METTL24: variants seen among roughly 807,000 people sequenced by gnomAD.
METTL24 encodes methyltransferase like 24.
In METTL24, 29 loss-of-function variants were observed where a neutral mutation model predicts 32.7. The ratio of observed to expected loss-of-function variants is 0.89; its 90% CI spans 0.66 to 1.21. METTL24 has a LOEUF of 1.21. METTL24 is among the 50% of genes most tolerant of loss of function. METTL24 has a pLI of 0.00. For missense variants in METTL24, 439 were observed against 468.1 expected, an observed-to-expected ratio of 0.94 and a Z score of 0.57; for synonymous variants, 163 against 179.5, an observed-to-expected ratio of 0.91 and a Z score of 0.73.
chr6:110,318,549 G>A (rs1234071018), intron 2 of METTL24, among the ~76,000 whole-genome samples: 8 of 151,664 alleles, frequency 5.3e-5, no homozygotes, highest in Non-Finnish European at 1.0e-4. Flanking sequence ...AGCTACTAGG[G>A]AGGCTGAGGC....
intron 4 of METTL24, among the ~76,000 whole-genome samples, chr6:110,294,987 A>C (rs1284623010): frequency 6.8e-6 from 1 of 146,708 alleles, no homozygotes; most frequent in Non-Finnish European, 1.5e-5. Context: ...GTGAGTCTTT[A>C]ATTGCTTTTC....
intron 1 of METTL24, among the ~76,000 whole-genome samples, chr6:110,335,111 CCA>C (rs1450617669): frequency 4.6e-5 from 7 of 152,208 alleles, no homozygotes; most frequent in South Asian, 2.1e-4. Context: ...AAGGAAAAAT[CCA>C]CAGTCTTTAT....
intron 4 of METTL24, among the ~76,000 whole-genome samples, chr6:110,265,014 C>T (rs895630230): frequency 1.3e-5 from 2 of 151,806 alleles, no homozygotes; most frequent in African/African-American, 4.8e-5. Flanking sequence ...GGAGATATAC[C>T]TAATGTAAAT....
At chr6:110,280,375 G>C (rs370978664) in intron 4 of METTL24, among the ~76,000 whole-genome samples, 12 of 151,960 alleles carry the variant, frequency 7.9e-5, no homozygotes, top group African/African-American at 2.9e-4. Flanking sequence ...TATATACCAC[G>C]TATTTCAATA....
intron 4 of METTL24, among the ~76,000 whole-genome samples, chr6:110,289,488 T>C (rs1331351643): frequency 3.3e-5 from 5 of 152,096 alleles, no homozygotes; most frequent in Admixed American, 2.6e-4. Flanking sequence ...TAGTCTTTTT[T>C]TTTTGTAAAA....
At chr6:110,272,262 G>T (rs150443152) in intron 4 of METTL24, among the ~76,000 whole-genome samples, 1,605 of 152,200 alleles carry the variant, frequency 0.011, 13 homozygotes, top group Middle Eastern at 0.017. Context: ...TAGAATAATG[G>T]CCTCCAGCTC....
chr6:110,310,071 C>T (rs1771693851), intron 3 of METTL24, among the ~76,000 whole-genome samples: 1 of 152,106 alleles, frequency 6.6e-6, no homozygotes. Flanking sequence ...AACACTCTTC[C>T]TGCTGTGTTA....
Position 110,246,167 on chromosome 6 carries a change from T to C in METTL24, c.880A>G (p.Ile294Val). 1.9e-6 allele frequency: 3 copies of C among 1,613,970 alleles called. No individual in the cohort carries two copies. In the South Asian group the frequency reaches 3.3e-5, roughly 18 times the overall value. ...EDVLEQIGQL[I>V]FEIHLHWPGF... The stretch of plus-strand genomic sequence containing the variant: ...GGCCAGTGGAGATGGATCTCAAAGA[T>C]GAGCTGTCCAATCTGCTCAAGAACA... Residue 294 changes from isoleucine to valine, a missense_variant, in exon 5 of 5, where the codon ATC becomes GTC. Ile to Val is a conservative substitution (Grantham distance 29). Coordinates refer to ENST00000338882, the MANE Select transcript of METTL24 (RefSeq NM_001123364.3).
rs1205108016 is a variant in METTL24 at position 110,358,138 on chromosome 6, G to A, written c.135C>T (p.Ala45=). ...GTGGCCGCCAGGCCGGGCCCGGCGG[G>A]GCGCTGCGGGTGGGGGACCCGGGCC... is the stretch of plus-strand genomic sequence containing the variant. The part of the protein sequence containing the change: ...RAGPGSPTRS[A]PPGPAWRPPG... Residue 45 remains alanine (A), a synonymous_variant, in exon 1 of 5, where the codon GCC becomes GCT. Transcript: ENST00000338882. The A allele has an allele frequency of 2.0e-5, 23 of 1,142,134 alleles. No homozygotes were observed. The highest frequency in any genetic ancestry group is 2.5e-5 in the Non-Finnish European group (23 of 931,612). The allele number at this position is 1,142,134 out of a possible 1,614,324, so 70.7% of individuals were successfully genotyped here.
At chr6:110,256,582 C>T (rs1041658608) in intron 4 of METTL24, among the ~76,000 whole-genome samples, 11 of 152,080 alleles carry the variant, frequency 7.2e-5, no homozygotes, top group East Asian at 3.9e-4. Context: ...TATCAGATAA[C>T]GAGTCCCACC....
At chr6:110,261,823 C>G (rs867545809) in intron 4 of METTL24, among the ~76,000 whole-genome samples, 9 of 152,132 alleles carry the variant, frequency 5.9e-5, no homozygotes, top group South Asian at 2.1e-4. Flanking sequence ...CACTCAAAAC[C>G]GCTCAACTAC....
intron 1 of METTL24, among the ~76,000 whole-genome samples, chr6:110,334,159 G>C (rs756363994): frequency 6.6e-6 from 1 of 152,096 alleles, no homozygotes; most frequent in Non-Finnish European, 1.5e-5. Context: ...TCTTCCCCAC[G>C]AGAGAACCTG....
intron 2 of METTL24, among the ~76,000 whole-genome samples, chr6:110,317,316 C>T (rs999324137): frequency 6.6e-6 from 1 of 152,186 alleles, no homozygotes; most frequent in Non-Finnish European, 1.5e-5. Flanking sequence ...TAATTCATCT[C>T]CTACTATTCT....
At chr6:110,345,966 T>C (rs1291467094) in intron 1 of METTL24, among the ~76,000 whole-genome samples, 1 of 152,112 alleles carries the variant, frequency 6.6e-6, no homozygotes, top group Non-Finnish European at 1.5e-5. Context: ...ACAAAGTTAG[T>C]TTTTCCTAAC....
At chr6:110,294,045 C>A (rs968460641) in intron 4 of METTL24, among the ~76,000 whole-genome samples, 1 of 151,944 alleles carries the variant, frequency 6.6e-6, no homozygotes, top group Non-Finnish European at 1.5e-5. Flanking sequence ...TCAGCAAAAA[C>A]AATACATACA....
intron 2 of METTL24, among the ~76,000 whole-genome samples, chr6:110,318,202 GTTTTA>G (rs1771860937): frequency 6.6e-6 from 1 of 152,162 alleles, no homozygotes; most frequent in African/African-American, 2.4e-5. Context: ...AGGAACTAGG[GTTTTA>G]TTTTATTAAA....
chr6:110,294,886 G>T lies in METTL24; in HGVS notation c.786+4036C>A, dbSNP rs138021654. 4.0e-3 allele frequency among the ~76,000 whole-genome samples: 610 copies of T among 151,730 alleles called. 2 individuals are homozygous for T. Among genetic ancestry groups the T allele is most frequent in the Middle Eastern group, 6.8e-3 (2 of 294 alleles). Reference sequence around the variant, plus strand: ...ATTATTTTCCATTTCCAGCAGCAAAGTGTATTATTCCCAACAAGCATTACA... The same window carrying T: ...ATTATTTTCCATTTCCAGCAGCAAATTGTATTATTCCCAACAAGCATTACA... On this transcript the variant is annotated intron_variant, in intron 4 of 4. Coordinates refer to ENST00000338882, the MANE Select transcript of METTL24 (RefSeq NM_001123364.3).
chr6:110,338,312 C>T (rs1484583539), intron 1 of METTL24, among the ~76,000 whole-genome samples: 1 of 152,090 alleles, frequency 6.6e-6, no homozygotes, highest in African/African-American at 2.4e-5. Flanking sequence ...ACCTGGCCAA[C>T]ATGGGCAAAA....
chr6:110,318,385 C>T (rs759080715), intron 2 of METTL24, among the ~76,000 whole-genome samples: 4 of 152,074 alleles, frequency 2.6e-5, no homozygotes, highest in Non-Finnish European at 5.9e-5. Context: ...TGGTGGCTCA[C>T]GCCTGTAATC....
Sources: allele counts gnomAD v4.1 joint callset (sites outside exome capture counted in the v4.1 genomes callset), GRCh38; gene constraint gnomAD v4.1.1; transcripts MANE v1.5; gene names NCBI Gene and HGNC (gene_info 2026-07-23, HGNC 2026-07-21).